Variants in MN1 observed in about 807,000 individuals in gnomAD.
MN1 encodes transcriptional activator MN1.
Under a neutral mutation model 86.9 loss-of-function variants are expected in MN1, and 19 were observed. That is an observed-to-expected ratio of 0.22 (90% CI 0.15 to 0.32). MN1 has a LOEUF of 0.32. MN1 is among the 10% of genes least tolerant of loss of function. The pLI, the probability that MN1 is intolerant of heterozygous loss-of-function variation, is 1.00. For missense variants in MN1, 1,841 were observed against 1,862.0 expected (o/e 0.99, Z 0.21); for synonymous variants, 928 against 849.6 (o/e 1.09, Z -1.60).
At chr22:27,776,730 T>A (rs941307618) in intron 1 of MN1, among the ~76,000 whole-genome samples, 1 of 151,860 alleles carries the variant, frequency 6.6e-6, no homozygotes, top group African/African-American at 2.4e-5. Flanking sequence ...GAAGCATACA[T>A]GCCCCCCCTC....
rs1276698686 is a variant in MN1 at position 27,800,157 on chromosome 22, G to A, written c.387C>T (p.His129=). ...CGCCGTAGCCGAGCAGGCGACCCCCGTGCAGGCACGAGGCCCCGGGGTCCG... is the reference window on the plus strand; with the variant it reads ...CGCCGTAGCCGAGCAGGCGACCCCCATGCAGGCACGAGGCCCCGGGGTCCG... The part of the protein sequence containing the change: ...GGPDPGASCL[H]GGRLLGYGGA... Residue 129 remains histidine (H), a synonymous_variant, in exon 1 of 2, where the codon CAC becomes CAT. Coordinates refer to ENST00000302326, the MANE Select transcript of MN1 (RefSeq NM_002430.3). The A allele has an allele frequency of 6.4e-7, 1 of 1,550,462 alleles. No homozygotes were observed. Among genetic ancestry groups the A allele is most frequent in the Non-Finnish European group, 8.7e-7 (1 of 1,153,422 alleles).
chr22:27,772,317 T>C (rs1372852272), intron 1 of MN1, among the ~76,000 whole-genome samples: 6 of 152,226 alleles, frequency 3.9e-5, no homozygotes. Flanking sequence ...TATTTAATTT[T>C]GTCAGGGATA....
At chr22:27,783,628 G>A (rs1275181240) in intron 1 of MN1, among the ~76,000 whole-genome samples, 1 of 152,206 alleles carries the variant, frequency 6.6e-6, no homozygotes, top group African/African-American at 2.4e-5. Flanking sequence ...CCTTGGCCAA[G>A]TTGCCTGCCC....
rs565970935 is a variant in MN1, at chr22:27,778,998, C to T, written c.3781+17765G>A. ...CCATACAGGGGCATCCCTTCCTTCC[C>T]TACCCACCCCTGCAGAGATGGGGGT... On this transcript the variant is annotated intron_variant, in intron 1 of 1. Coordinates refer to ENST00000302326, the MANE Select transcript of MN1 (RefSeq NM_002430.3). Among the ~76,000 whole-genome samples the T allele has an allele frequency of 5.9e-5, 9 of 152,314 alleles. No homozygotes were observed. In the East Asian group the frequency reaches 1.5e-3, roughly 26 times the overall value.
rs750757950 is a variant in MN1, at chr22:27,797,403, G to A, written c.3141C>T (p.Asp1047=). ...SSPNVGEFAS[D]EVSTSYANED... is the part of the protein sequence containing the mutation. ...CATTGGCGTAGCTCGTGCTCACCTCGTCCGAGGCGAACTCACCCACGTTTG... is the reference window on the plus strand; with the variant it reads ...CATTGGCGTAGCTCGTGCTCACCTCATCCGAGGCGAACTCACCCACGTTTG... The change falls in exon 1 of 2, where the codon GAC becomes GAT. Residue 1047 remains aspartate, a synonymous_variant. Coordinates refer to ENST00000302326, the MANE Select transcript of MN1 (RefSeq NM_002430.3). 11 of 1,611,884 alleles carry A rather than the reference G, an allele frequency of 6.8e-6. No homozygotes were observed. The highest frequency in any genetic ancestry group is 1.1e-5 in the South Asian group (1 of 90,976).
rs1389889288 is a variant in MN1, at chr22:27,799,111, T to G, written c.1433A>C (p.His478Pro). 1.2e-6 allele frequency: 2 copies of G among 1,604,650 alleles called. No homozygotes were observed. The highest frequency in any genetic ancestry group is 2.7e-5 in the African/African-American group (2 of 74,744). ...DRCASWNGSM[H>P]NGALDNHLSP... Reference sequence around the variant, plus strand: ...GAGGTGATTATCCAGAGCGCCGTTGTGCATGCTGCCGTTCCACGAAGCGCA... The same window carrying G: ...GAGGTGATTATCCAGAGCGCCGTTGGGCATGCTGCCGTTCCACGAAGCGCA... Residue 478 changes from histidine to proline, a missense_variant, in exon 1 of 2, where the codon CAC (histidine) becomes CCC (proline). Physicochemically the swap from His to Pro is moderately conservative, Grantham distance 77. Transcript: ENST00000302326.
At chr22:27,777,227 G>C (rs367638397) in intron 1 of MN1, among the ~76,000 whole-genome samples, 1 of 152,200 alleles carries the variant, frequency 6.6e-6, no homozygotes, top group Non-Finnish European at 1.5e-5. Flanking sequence ...TTTGGAGAGA[G>C]ACGCAAGCAA....
intron 1 of MN1, among the ~76,000 whole-genome samples, chr22:27,792,479 T>G (rs1385897101): frequency 6.6e-6 from 1 of 151,962 alleles, no homozygotes; most frequent in Non-Finnish European, 1.5e-5. Flanking sequence ...AAAACATCCT[T>G]GTCCTTTATT....
intron 1 of MN1, among the ~76,000 whole-genome samples, chr22:27,769,252 C>T (rs573845293): frequency 5.9e-5 from 9 of 152,214 alleles, no homozygotes; most frequent in South Asian, 4.1e-4. Flanking sequence ...TGCAGGTAGC[C>T]GAAACTAATC....
At chr22:27,753,059 C>A (rs1394444032) in intron 1 of MN1, among the ~76,000 whole-genome samples, 1 of 152,216 alleles carries the variant, frequency 6.6e-6, no homozygotes, top group African/African-American at 2.4e-5. Context: ...GGGCTTGGGG[C>A]CCCCACCCTG....
In MN1 at chr22:27,779,534, C is replaced by T. The variant is rs747950220; in HGVS notation, c.3781+17229G>A. Among the ~76,000 whole-genome samples the T allele has an allele frequency of 2.6e-5, 4 of 152,286 alleles. 1 individual carries two copies. Among genetic ancestry groups the T allele is most frequent in the Admixed American group, 6.5e-5 (1 of 15,300 alleles). ...GGTAGGAAATACAGCTCCTCATCTC[C>T]GTGCCCATAAGTGGTTCTAAGCACG... On this transcript the variant is annotated intron_variant, in intron 1 of 1. Transcript: ENST00000302326.
chr22:27,771,253 G>A (rs1025531849), intron 1 of MN1, among the ~76,000 whole-genome samples: 9 of 135,776 alleles, frequency 6.6e-5, no homozygotes, highest in Non-Finnish European at 1.4e-4. Flanking sequence ...TTTAGAGATA[G>A]GGTCTCACTC....
intron 1 of MN1, among the ~76,000 whole-genome samples, chr22:27,779,144 T>C (rs967040870): frequency 6.6e-6 from 1 of 152,108 alleles, no homozygotes; most frequent in African/African-American, 2.4e-5. Context: ...GTGACCATGA[T>C]GAATGCTGTC....
At chr22:27,758,057 G>C (rs1353585943) in intron 1 of MN1, among the ~76,000 whole-genome samples, 2 of 151,924 alleles carry the variant, frequency 1.3e-5, no homozygotes, top group African/African-American at 4.8e-5. Context: ...CTTACACACT[G>C]CCCTCCAAAC....
At chr22:27,788,646 C>T (rs532944515) in intron 1 of MN1, among the ~76,000 whole-genome samples, 1 of 151,602 alleles carries the variant, frequency 6.6e-6, no homozygotes, top group South Asian at 2.1e-4. Context: ...ACATCTCATC[C>T]TTCCCTGAAT....
intron 1 of MN1, among the ~76,000 whole-genome samples, chr22:27,782,697 T>C (rs1170259899): frequency 6.6e-6 from 1 of 152,126 alleles, no homozygotes; most frequent in African/African-American, 2.4e-5. Flanking sequence ...CTTTCACCGA[T>C]GAGGAAATGA....
In MN1 at chr22:27,800,303, C is replaced by A; in HGVS notation, c.241G>T (p.Gly81Trp). 6.3e-7 allele frequency: 1 copy of A among 1,576,858 alleles called. No homozygotes were observed. The highest frequency in any genetic ancestry group is 8.6e-7 in the Non-Finnish European group (1 of 1,161,608). ...TGCACAGGCTGCGCTTGCAGCCCCC[C>A]TGCGTGCAACTCCGAGTGGCCGCGC... ...HARGHSELHAGGLQAQPVHGF... is the reference protein window; with the variant it reads ...HARGHSELHAWGLQAQPVHGF... Residue 81 changes from glycine (G) to tryptophan (W), a missense_variant, in exon 1 of 2, where the codon GGG becomes TGG. Physicochemically the swap from Gly to Trp is radical, Grantham distance 184. Transcript: ENST00000302326.
intron 1 of MN1, among the ~76,000 whole-genome samples, chr22:27,754,885 G>A (rs1280177953): frequency 6.6e-6 from 1 of 152,198 alleles, no homozygotes; most frequent in Non-Finnish European, 1.5e-5. Flanking sequence ...CCCAGTGAGT[G>A]CTGTTCTGTT....
chr22:27,754,355 T>TAAGCCCATCACCCAGC (rs1460917990), intron 1 of MN1, among the ~76,000 whole-genome samples: 1 of 152,184 alleles, frequency 6.6e-6, no homozygotes, highest in Non-Finnish European at 1.5e-5. Flanking sequence ...GTGTATTATC[T>TAAGCCCATCACCCAGC]AAGCCCATCA....
Sources: gnomAD v4.1 joint callset for allele counts (sites outside exome capture counted in the v4.1 genomes callset) on GRCh38, gnomAD v4.1.1 for gene constraint, MANE v1.5 for transcripts, NCBI Gene and HGNC (gene_info 2026-07-23, HGNC 2026-07-21) for gene names.